The following SLC10A7 variants were observed in gnomAD, a reference collection of about 807,000 sequenced individuals.
SLC10A7 encodes solute carrier family 10 member 7, also known as sodium/bile acid cotransporter 7.
SLC10A7 carries 29 observed loss-of-function variants against 43.2 expected under a neutral mutation model. That is an observed-to-expected ratio of 0.67 (90% CI 0.50 to 0.92). The LOEUF (loss-of-function observed/expected upper bound fraction) is 0.92. SLC10A7 is among the 40% of genes least tolerant of loss of function. The probability of loss-of-function intolerance (pLI) is 0.00; values close to 1 mark genes in which losing one functional copy is unlikely to be tolerated. For synonymous variants in SLC10A7, 152 were observed against 144.8 expected (o/e 1.05, Z -0.35); for missense variants, 295 against 403.2 (o/e 0.73, Z 2.30).
chr4:146,446,528 A>G (rs1262771471), intron 4 of SLC10A7, among the ~76,000 whole-genome samples: 1 of 150,850 alleles, frequency 6.6e-6, no homozygotes, highest in Admixed American at 6.6e-5. Flanking sequence ...GTGAGTCGAG[A>G]TTGTACCACT....
intron 4 of SLC10A7, among the ~76,000 whole-genome samples, chr4:146,484,921 C>G (rs2149993285): frequency 6.6e-6 from 1 of 152,220 alleles, no homozygotes; most frequent in East Asian, 1.9e-4. Context: ...TTAAATATGA[C>G]TTCAGTACTT....
chr4:146,436,965 C>CA (rs1382967623), intron 5 of SLC10A7, among the ~76,000 whole-genome samples: 3 of 152,036 alleles, frequency 2.0e-5, no homozygotes, highest in African/African-American at 7.2e-5. Context: ...AGTATGCTGA[C>CA]ATGGCAAAAG....
intron 10 of SLC10A7, among the ~76,000 whole-genome samples, chr4:146,279,567 C>T (rs1729416285): frequency 6.6e-6 from 1 of 152,128 alleles, no homozygotes; most frequent in South Asian, 2.1e-4. Flanking sequence ...TTTATGGCAA[C>T]CCACAGCAAG....
intron 5 of SLC10A7, among the ~76,000 whole-genome samples, chr4:146,425,590 C>T (rs1729286482): frequency 1.3e-5 from 2 of 152,162 alleles, no homozygotes; most frequent in South Asian, 4.2e-4. Flanking sequence ...CCTCCCTCTT[C>T]CTGAACTTGA....
At chr4:146,407,509 T>C (rs1470683416) in intron 5 of SLC10A7, among the ~76,000 whole-genome samples, 4 of 152,228 alleles carry the variant, frequency 2.6e-5, no homozygotes, top group African/African-American at 9.6e-5. Context: ...ATTAAAACTT[T>C]ATATACACTG....
intron 5 of SLC10A7, among the ~76,000 whole-genome samples, chr4:146,353,505 G>A (rs1227378752): frequency 2.0e-5 from 2 of 100,586 alleles, no homozygotes; most frequent in East Asian, 6.0e-4. Flanking sequence ...CCAATCAATA[G>A]AAAAAGAGGG....
chr4:146,406,949 C>T (rs1002103433), intron 5 of SLC10A7, among the ~76,000 whole-genome samples: 1 of 152,128 alleles, frequency 6.6e-6, no homozygotes, highest in Admixed American at 6.5e-5. Context: ...CACCACTGCA[C>T]TCCAGCCTGG....
chr4:146,374,669 T>C (rs1415717031), intron 5 of SLC10A7, among the ~76,000 whole-genome samples: 3 of 150,842 alleles, frequency 2.0e-5, no homozygotes, highest in African/African-American at 7.4e-5. Flanking sequence ...CACATATATA[T>C]ATATTTTCTG....
intron 4 of SLC10A7, among the ~76,000 whole-genome samples, chr4:146,497,050 G>C (rs948351004): frequency 6.6e-6 from 1 of 152,124 alleles, no homozygotes; most frequent in African/African-American, 2.4e-5. Flanking sequence ...GCTACGATAG[G>C]TTTCATAATT....
intron 3 of SLC10A7, among the ~76,000 whole-genome samples, chr4:146,508,922 G>A (rs934863985): frequency 6.6e-5 from 10 of 152,120 alleles, no homozygotes; most frequent in East Asian, 3.9e-4. Flanking sequence ...CTTTTATACC[G>A]CTAGGACATG....
chr4:146,426,203 T>G (rs989208896), intron 5 of SLC10A7, among the ~76,000 whole-genome samples: 5 of 152,200 alleles, frequency 3.3e-5, no homozygotes, highest in African/African-American at 1.2e-4. Flanking sequence ...CTTAAAAATG[T>G]GGGATGATTC....
chr4:146,374,061 T>G (rs1295022884), intron 5 of SLC10A7, among the ~76,000 whole-genome samples: 2 of 152,078 alleles, frequency 1.3e-5, no homozygotes, highest in Non-Finnish European at 2.9e-5. Flanking sequence ...CAAACTGGAG[T>G]GCTATTCATT....
chr4:146,462,194 A>G (rs1732600494), intron 4 of SLC10A7, among the ~76,000 whole-genome samples: 1 of 151,972 alleles, frequency 6.6e-6, no homozygotes, highest in African/African-American at 2.4e-5. Context: ...AATAATGTGG[A>G]TCTTCTCTTT....
intron 2 of SLC10A7, among the ~76,000 whole-genome samples, 164 bp from the exon 3 acceptor site, chr4:146,510,213 A>G (rs1372809486): frequency 1.3e-5 from 2 of 152,134 alleles, no homozygotes; most frequent in Non-Finnish European, 2.9e-5. Flanking sequence ...TGCAAGATAA[A>G]AAAGTTACTC....
chr4:146,369,235 T>C (rs781141691), intron 5 of SLC10A7, among the ~76,000 whole-genome samples: 2 of 152,192 alleles, frequency 1.3e-5, no homozygotes, highest in South Asian at 2.1e-4. Context: ...AAACATGTTA[T>C]CTAACCTCTC....
At chr4:146,428,222 T>C (rs1729513566) in intron 5 of SLC10A7, among the ~76,000 whole-genome samples, 1 of 152,054 alleles carries the variant, frequency 6.6e-6, no homozygotes, top group African/African-American at 2.4e-5. Context: ...ACTTTCCCAT[T>C]AAAAAATCAT....
At chr4:146,349,269 A>G (rs565193741) in intron 5 of SLC10A7, among the ~76,000 whole-genome samples, 2 of 152,336 alleles carry the variant, frequency 1.3e-5, no homozygotes, top group South Asian at 4.1e-4. Context: ...AATGCTCAAC[A>G]TCAACAATTA....
chr4:146,284,505 G>A (rs1275585770), intron 9 of SLC10A7, among the ~76,000 whole-genome samples: 2 of 151,888 alleles, frequency 1.3e-5, no homozygotes, highest in Non-Finnish European at 2.9e-5. Flanking sequence ...CTGTGCCTGT[G>A]TCAAGAGAAT....
chr4:146,386,584 T>C (rs1738014114), intron 5 of SLC10A7, among the ~76,000 whole-genome samples: 1 of 152,212 alleles, frequency 6.6e-6, no homozygotes. Flanking sequence ...CCTACTGCTA[T>C]TCTGGCCCTT....
Sources: gnomAD v4.1 joint callset for allele counts (sites outside exome capture counted in the v4.1 genomes callset) on GRCh38, gnomAD v4.1.1 for gene constraint, MANE v1.5 for transcripts, NCBI Gene and HGNC (gene_info 2026-07-23, HGNC 2026-07-21) for gene names.